Variants in NEK10 observed in about 807,000 individuals in gnomAD.
NEK10 encodes the protein serine/threonine-protein kinase Nek10.
In NEK10, 122 loss-of-function variants were observed where a neutral mutation model predicts 159.8. The observed-to-expected ratio is 0.76, with a 90% confidence interval of 0.66 to 0.89. NEK10 has a LOEUF of 0.89. NEK10 is among the 40% of genes least tolerant of loss of function. The pLI is 0.00. For missense variants in NEK10, 1,342 were observed against 1,323.1 expected (o/e 1.01, Z -0.22); for synonymous variants, 466 against 457.1 (o/e 1.02, Z -0.25).
rs534166533 is a variant in NEK10 at position 27,238,149 on chromosome 3, T to C, written c.2090+18147A>G. Among the ~76,000 whole-genome samples the C allele has an allele frequency of 2.6e-4, 40 of 152,300 alleles. No homozygotes were observed. In the South Asian group the frequency reaches 8.1e-3, roughly 31 times the overall value. ...CCAAGAATACGTGCCCTGTGTAATA[T>C]GAGTTAGGGAAAAGCTGGAAATAAT... is the stretch of plus-strand genomic sequence containing the variant. On this transcript the variant is annotated intron_variant, in intron 23 of 35. Coordinates refer to ENST00000691995, the MANE Select transcript of NEK10 (RefSeq NM_001394966.1).
At chr3:27,309,144 G>GTTTTT (rs10662525) in intron 9 of NEK10, 139 bp from the exon 10 acceptor site, 171 of 370,294 alleles carry the variant, frequency 4.6e-4, no homozygotes, top group South Asian at 1.2e-3. Context: ...AGGCTTAACT[G>GTTTTT]TTTTTTTTTT....
At chr3:27,201,480 C>CTACA (rs1202859271) in intron 25 of NEK10, 30 bp downstream of exon 25, 1 of 1,587,336 alleles carries the variant, frequency 6.3e-7, no homozygotes, top group Non-Finnish European at 8.6e-7. Context: ...TTGATTGTCC[C>CTACA]TACATGTCTG....
chr3:27,359,487 C>T (rs1357415738), intron 1 of NEK10, among the ~76,000 whole-genome samples: 1 of 152,184 alleles, frequency 6.6e-6, no homozygotes, highest in African/African-American at 2.4e-5. Context: ...AGAGAACTTT[C>T]AGCCCCATAA....
chr3:27,147,735 A>G (rs1944439861), intron 30 of NEK10, among the ~76,000 whole-genome samples: 1 of 152,238 alleles, frequency 6.6e-6, no homozygotes, highest in Non-Finnish European at 1.5e-5. Flanking sequence ...TAACCTGCAG[A>G]AATTAATATA....
intron 5 of NEK10, among the ~76,000 whole-genome samples, chr3:27,324,235 G>A (rs944147747): frequency 1.3e-5 from 2 of 152,170 alleles, no homozygotes; most frequent in Non-Finnish European, 2.9e-5. Flanking sequence ...AAATGTTAAA[G>A]CTTTTCAGTC....
At position 27,106,859 on chromosome 3, in the gene NEK10, T is replaced by C. The variant is rs1939032335; in HGVS notation, c.*4413A>G. On this transcript the variant is annotated 3_prime_UTR_variant, in exon 36 of 36. Coordinates refer to ENST00000691995, the MANE Select transcript of NEK10 (RefSeq NM_001394966.1). ...ATACATAAAGACAAAATTCTATCTTTGTTTAGGAGAAAGAAAGGTAAGCTA... is the reference window on the plus strand; with the variant it reads ...ATACATAAAGACAAAATTCTATCTTCGTTTAGGAGAAAGAAAGGTAAGCTA... Among the ~76,000 whole-genome samples, 1 of 152,228 alleles carries C rather than the reference T, an allele frequency of 6.6e-6. No individual in the cohort carries two copies. Among genetic ancestry groups the C allele is most frequent in the African/African-American group, 2.4e-5 (1 of 41,466 alleles).
chr3:27,301,964 A>G, intron 12 of NEK10, 129 bp from the exon 13 acceptor site: 1 of 694,144 alleles, frequency 1.4e-6, no homozygotes, highest in Non-Finnish European at 2.4e-6. Context: ...TCACTTTCCA[A>G]TCCACCTGGA....
At chr3:27,121,472 G>A (rs1364814099) in intron 32 of NEK10, among the ~76,000 whole-genome samples, 1 of 152,136 alleles carries the variant, frequency 6.6e-6, no homozygotes, top group Non-Finnish European at 1.5e-5. Flanking sequence ...TGAATCATGG[G>A]TGTGGGTCTT....
intron 1 of NEK10, 126 bp from the exon 2 acceptor site, chr3:27,353,045 A>G (rs908885518): frequency 3.4e-6 from 2 of 593,784 alleles, no homozygotes; most frequent in Non-Finnish European, 6.0e-6. Context: ...TAGTTCTAAT[A>G]CAATAATAAA....
intron 25 of NEK10, among the ~76,000 whole-genome samples, chr3:27,197,440 T>C (rs1949656855): frequency 6.6e-6 from 1 of 152,162 alleles, no homozygotes; most frequent in Admixed American, 6.5e-5. Context: ...CCTCCCAAAG[T>C]GCTGGTATCA....
intron 22 of NEK10, among the ~76,000 whole-genome samples, chr3:27,260,824 G>C (rs969218077): frequency 3.3e-5 from 5 of 152,252 alleles, no homozygotes; most frequent in African/African-American, 9.6e-5. Flanking sequence ...ACCTCTGGTA[G>C]AATTCGGCTG....
Position 27,120,622 on chromosome 3 carries a change from G to A in NEK10, c.3082-754C>T, listed in dbSNP as rs1232316367. ...TGGGATTACAGGCATAAGCCACCGCGCCTGGCCAAATAAGTTTCTTAATAC... is the reference window on the plus strand; with the variant it reads ...TGGGATTACAGGCATAAGCCACCGCACCTGGCCAAATAAGTTTCTTAATAC... On this transcript the variant is annotated intron_variant, in intron 32 of 35. Coordinates refer to ENST00000691995, the MANE Select transcript of NEK10 (RefSeq NM_001394966.1). Among the ~76,000 whole-genome samples, 8 of 151,814 alleles carry A rather than the reference G, an allele frequency of 5.3e-5. No homozygotes were observed. The South Asian group carries it at 6.2e-4, about 12-fold the overall frequency.
chr3:27,148,718 A>G (rs1944541941), intron 30 of NEK10, among the ~76,000 whole-genome samples: 1 of 152,204 alleles, frequency 6.6e-6, no homozygotes, highest in Non-Finnish European at 1.5e-5. Flanking sequence ...ATCATCACCC[A>G]AGTCATGCTG....
intron 5 of NEK10, among the ~76,000 whole-genome samples, chr3:27,342,229 C>T (rs2047248898): frequency 6.6e-6 from 1 of 151,978 alleles, no homozygotes; most frequent in Admixed American, 6.6e-5. Context: ...AACACTAAAT[C>T]TCATGTTTGC....
chr3:27,153,846 C>G (rs1225867209), intron 30 of NEK10, among the ~76,000 whole-genome samples: 2 of 152,030 alleles, frequency 1.3e-5, no homozygotes, highest in African/African-American at 2.4e-5. Context: ...ACAACTACAT[C>G]GAAAAGACTG....
chr3:27,142,742 T>C (rs985980446), intron 30 of NEK10, among the ~76,000 whole-genome samples: 40 of 152,158 alleles, frequency 2.6e-4, no homozygotes, highest in Admixed American at 2.2e-3. Flanking sequence ...AAGAGTCAAC[T>C]TGTTTTATTA....
chr3:27,202,267 A>G (rs1187515982), intron 24 of NEK10, among the ~76,000 whole-genome samples, 161 bp downstream of exon 24: 2 of 152,240 alleles, frequency 1.3e-5, no homozygotes, highest in African/African-American at 4.8e-5. Flanking sequence ...TGAGATATAT[A>G]TTTAGAAGAA....
At chr3:27,292,179 G>T (rs935425427) in intron 16 of NEK10, among the ~76,000 whole-genome samples, 3 of 152,058 alleles carry the variant, frequency 2.0e-5, no homozygotes, top group Admixed American at 1.3e-4. Flanking sequence ...TTTTAAGAAG[G>T]TAGATGGCAT....
intron 13 of NEK10, among the ~76,000 whole-genome samples, 196 bp downstream of exon 13, chr3:27,301,500 A>G (rs2043819959): frequency 6.6e-6 from 1 of 152,216 alleles, no homozygotes; most frequent in Admixed American, 6.5e-5. Context: ...ACAGAAGACA[A>G]AGAAACATTT....
Sources: gnomAD v4.1 joint callset for allele counts (sites outside exome capture counted in the v4.1 genomes callset) on GRCh38, gnomAD v4.1.1 for gene constraint, MANE v1.5 for transcripts, NCBI Gene and HGNC (gene_info 2026-07-23, HGNC 2026-07-21) for gene names.